The following EPHA6 variants were observed in gnomAD, a reference collection of about 807,000 sequenced individuals.
EPHA6 encodes ephrin type-A receptor 6.
Under a neutral mutation model 112.0 loss-of-function variants are expected in EPHA6, and 50 were observed. That is an observed-to-expected ratio of 0.45 (90% CI 0.36 to 0.56). The LOEUF (loss-of-function observed/expected upper bound fraction) is 0.56, where lower values mean the gene tolerates loss of function less well. Ranked by LOEUF, EPHA6 falls within the 20% of genes least tolerant of loss-of-function variation. The pLI is 0.00. For synonymous variants in EPHA6, 529 were observed against 490.7 expected (o/e 1.08, Z -1.03); for missense variants, 1,280 against 1,417.4 (o/e 0.90, Z 1.56).
chr3:96,822,391 A>G (rs2107225387), intron 1 of EPHA6, among the ~76,000 whole-genome samples: 1 of 151,798 alleles, frequency 6.6e-6, no homozygotes, highest in South Asian at 2.1e-4. Flanking sequence ...GTGTATTTTC[A>G]CTCCAGTTCC....
intron 13 of EPHA6, among the ~76,000 whole-genome samples, chr3:97,624,149 G>A (rs1477503300): frequency 1.3e-5 from 2 of 151,720 alleles, no homozygotes; most frequent in Non-Finnish European, 3.0e-5. Context: ...TAACGGTCGA[G>A]TATGATGTTC....
intron 7 of EPHA6, among the ~76,000 whole-genome samples, chr3:97,458,309 A>G (rs1035067114): frequency 6.6e-6 from 1 of 152,140 alleles, no homozygotes; most frequent in African/African-American, 2.4e-5. Flanking sequence ...TGCTAGATAT[A>G]AAATAGCTGA....
chr3:97,490,243 A>G lies in EPHA6; in HGVS notation c.2200+6184A>G, dbSNP rs147120475. ...ATGACAATATAAAATTAATTGCATA[A>G]TATGTGCAAATAAAAATAAGAAAAA... On this transcript the variant is annotated intron_variant, in intron 10 of 17. Coordinates refer to ENST00000389672, the MANE Select transcript of EPHA6 (RefSeq NM_001080448.3). Among the ~76,000 whole-genome samples the G allele has an allele frequency of 1.9e-3, 295 of 152,320 alleles. 4 individuals carry two copies. The highest frequency in any genetic ancestry group is 7.0e-3 in the African/African-American group (291 of 41,592).
intron 2 of EPHA6, among the ~76,000 whole-genome samples, chr3:96,895,744 A>G (rs1380593874): frequency 6.6e-6 from 1 of 152,162 alleles, no homozygotes; most frequent in African/African-American, 2.4e-5. Context: ...TAAAGCTTCT[A>G]GTGTTTGCCT....
At chr3:97,650,182 CA>C (rs1350475977) in intron 14 of EPHA6, among the ~76,000 whole-genome samples, 1 of 152,042 alleles carries the variant, frequency 6.6e-6, no homozygotes, top group East Asian at 1.9e-4. Context: ...AAGTCTTCTC[CA>C]ATAACTGTTT....
chr3:96,940,929 C>T (rs985325582), intron 2 of EPHA6, among the ~76,000 whole-genome samples: 2 of 152,092 alleles, frequency 1.3e-5, no homozygotes, highest in Non-Finnish European at 1.5e-5. Context: ...TATTAGTCCC[C>T]ACTCTCTTCT....
At chr3:97,150,693 C>G (rs2108374612) in intron 3 of EPHA6, among the ~76,000 whole-genome samples, 1 of 152,174 alleles carries the variant, frequency 6.6e-6, no homozygotes, top group Non-Finnish European at 1.5e-5. Context: ...ACTACAATAG[C>G]CTAATATGTA....
At chr3:97,560,091 A>G (rs1314480000) in intron 11 of EPHA6, among the ~76,000 whole-genome samples, 1 of 151,898 alleles carries the variant, frequency 6.6e-6, no homozygotes, top group African/African-American at 2.4e-5. Context: ...AAAAATAAAA[A>G]CCAAAGAAGA....
intron 1 of EPHA6, among the ~76,000 whole-genome samples, chr3:96,829,808 A>G (rs2107265971): frequency 6.6e-6 from 1 of 152,244 alleles, no homozygotes; most frequent in East Asian, 1.9e-4. Context: ...AAATGGAAAT[A>G]TATTGAGTTA....
intron 2 of EPHA6, among the ~76,000 whole-genome samples, chr3:96,974,846 G>A (rs180672988): frequency 9.2e-5 from 14 of 152,226 alleles, no homozygotes; most frequent in African/African-American, 3.4e-4. Flanking sequence ...TTCATTCTAA[G>A]ACATACATGT....
intron 3 of EPHA6, among the ~76,000 whole-genome samples, chr3:97,084,762 A>G (rs899026946): frequency 6.6e-6 from 1 of 152,118 alleles, no homozygotes; most frequent in Non-Finnish European, 1.5e-5. Flanking sequence ...GACACAAACA[A>G]ATAGAAAAAC....
intron 5 of EPHA6, among the ~76,000 whole-genome samples, chr3:97,256,322 T>C (rs28422814): frequency 0.11 from 17,109 of 152,052 alleles, 2,092 homozygotes; most frequent in African/African-American, 0.27. Context: ...TTTTAACCAA[T>C]TATGGTTCAT....
At chr3:97,676,148 G>T (rs548189817) in intron 14 of EPHA6, among the ~76,000 whole-genome samples, 19 of 152,122 alleles carry the variant, frequency 1.2e-4, no homozygotes, top group South Asian at 4.1e-4. Flanking sequence ...GAAGTCACTG[G>T]CACATCAGTG....
intron 3 of EPHA6, among the ~76,000 whole-genome samples, chr3:97,080,001 C>T (rs897902191): frequency 8.6e-5 from 13 of 151,210 alleles, no homozygotes; most frequent in Non-Finnish European, 1.9e-4. Context: ...GTAAACATAA[C>T]GTTAATATGC....
Position 97,755,405 on chromosome 3 carries a change from T to C in EPHA6, c.*6704T>C, listed in dbSNP as rs1377508413. 6.6e-6 allele frequency among the ~76,000 whole-genome samples: 1 copy of C among 152,196 alleles called. No individual in the cohort carries two copies. Among genetic ancestry groups the C allele is most frequent in the Non-Finnish European group, 1.5e-5 (1 of 68,004 alleles). On this transcript the variant is annotated 3_prime_UTR_variant, in exon 18 of 18. Transcript: ENST00000389672. ...ATTATTTGTGACCTCTGGCCATTTT[T>C]AATTTGTCATAATAAACTCATTTCT...
At chr3:97,150,793 C>T (rs890395452) in intron 3 of EPHA6, among the ~76,000 whole-genome samples, 2 of 151,970 alleles carry the variant, frequency 1.3e-5, no homozygotes, top group Admixed American at 1.3e-4. Context: ...TTCTTTTTAG[C>T]CTCTCCTCCT....
chr3:97,542,290 T>C (rs2092870772), intron 11 of EPHA6, among the ~76,000 whole-genome samples: 1 of 152,152 alleles, frequency 6.6e-6, no homozygotes, highest in Admixed American at 6.5e-5. Context: ...TTTCCCTTCC[T>C]GTGTCCATGT....
chr3:97,422,825 G>A (rs1366979911), intron 6 of EPHA6, among the ~76,000 whole-genome samples: 2 of 152,128 alleles, frequency 1.3e-5, no homozygotes, highest in African/African-American at 2.4e-5. Flanking sequence ...GATCCATTAG[G>A]CTTTATTCAT....
chr3:97,281,297 A>T (rs901997009), intron 5 of EPHA6, among the ~76,000 whole-genome samples: 2 of 152,076 alleles, frequency 1.3e-5, no homozygotes, highest in African/African-American at 2.4e-5. Context: ...GAATTAACCC[A>T]TTTAAATACA....
Sources: allele counts gnomAD v4.1 joint callset (sites outside exome capture counted in the v4.1 genomes callset), GRCh38; gene constraint gnomAD v4.1.1; transcripts MANE v1.5; gene names NCBI Gene and HGNC (gene_info 2026-07-23, HGNC 2026-07-21).